CENPP: variants seen among roughly 807,000 people sequenced by gnomAD.
The protein encoded by CENPP is centromere protein P.
Under a neutral mutation model 35.6 loss-of-function variants are expected in CENPP, and 24 were observed. The ratio of observed to expected loss-of-function variants is 0.67; its 90% CI spans 0.49 to 0.95. The LOEUF (loss-of-function observed/expected upper bound fraction) is 0.95. Among genes scored for constraint, CENPP ranks in the 40% least tolerant of loss-of-function variants. The pLI is 0.00. For missense variants in CENPP, 332 were observed against 345.3 expected (o/e 0.96, Z 0.31); for synonymous variants, 120 against 125.5 (o/e 0.96, Z 0.29).
intron 5 of CENPP, chr9:92,457,185 T>C (rs1191308168): frequency 1.4e-6 from 2 of 1,454,538 alleles, no homozygotes; most frequent in African/African-American, 2.9e-5. Context: ...AGAATAGATA[T>C]TTGCTTGTAT....
Position 92,620,016 on chromosome 9 carries a change from G to A in CENPP, c.*6867G>A, listed in dbSNP as rs996284798. On this transcript the variant is annotated 3_prime_UTR_variant, in exon 8 of 8. Transcript: ENST00000375587. ...CATCGCTTAGAACGACATTCCCTCC[G>A]GAACATCATACAGCCACCAGAGACA... 4.5e-5 allele frequency: 8 copies of A among 178,498 alleles called. No homozygotes were observed. Among genetic ancestry groups the A allele is most frequent in the African/African-American group, 1.4e-4 (6 of 43,418 alleles). 11.1% of individuals were successfully genotyped at this position (178,498 alleles called of 1,614,324 possible).
At chr9:92,543,539 C>T (rs376756503) in intron 5 of CENPP, among the ~76,000 whole-genome samples, 66 of 139,570 alleles carry the variant, frequency 4.7e-4, no homozygotes, top group African/African-American at 1.7e-3. Flanking sequence ...TGATTCCTTA[C>T]GAATTTTATG....
rs538536406 is a variant in CENPP at position 92,387,072 on chromosome 9, A to G, written c.564+7213A>G. 2.3e-3 allele frequency among the ~76,000 whole-genome samples: 348 copies of G among 148,998 alleles called. 2 individuals are homozygous for G. Among genetic ancestry groups the G allele is most frequent in the African/African-American group, 7.0e-3 (285 of 40,552 alleles). ...CAAAAAGAAAAAAAAAAAAAAAAAA[A>G]AAAGAAATGTGTGTGCTTAGCCGGG... On this transcript the variant is annotated intron_variant, in intron 5 of 7. Transcript: ENST00000375587.
At chr9:92,394,682 G>A (rs1248850370) in intron 5 of CENPP, among the ~76,000 whole-genome samples, 2 of 151,334 alleles carry the variant, frequency 1.3e-5, no homozygotes, top group Admixed American at 6.6e-5. Flanking sequence ...TCGGCTCACT[G>A]CAGTCTCCGC....
At chr9:92,415,443 G>A (rs769302451) in intron 5 of CENPP, 3 of 1,611,510 alleles carry the variant, frequency 1.9e-6, no homozygotes, top group Non-Finnish European at 2.5e-6. Flanking sequence ...AATGTAGTGG[G>A]TCAATAGAAG....
chr9:92,408,851 C>T (rs1843374572), intron 5 of CENPP, among the ~76,000 whole-genome samples: 1 of 152,112 alleles, frequency 6.6e-6, no homozygotes, highest in South Asian at 2.1e-4. Flanking sequence ...TTACTAGATA[C>T]ACATAGACCC....
chr9:92,415,416 G>A (rs1205059122), intron 5 of CENPP: 1 of 1,613,546 alleles, frequency 6.2e-7, no homozygotes. Flanking sequence ...CCACACGAAT[G>A]TATGTTAAAT....
At chr9:92,410,837 A>G (rs1182509621) in intron 5 of CENPP, among the ~76,000 whole-genome samples, 2 of 152,156 alleles carry the variant, frequency 1.3e-5, no homozygotes, top group African/African-American at 4.8e-5. Flanking sequence ...ATTTATCTTT[A>G]TCCTTATGAC....
chr9:92,415,221 A>C (rs1268001580), intron 5 of CENPP: 1 of 1,613,732 alleles, frequency 6.2e-7, no homozygotes. Flanking sequence ...GGCTCTCATG[A>C]GCATTGTCAG....
chr9:92,557,226 G>A (rs1471631981), intron 5 of CENPP, among the ~76,000 whole-genome samples: 1 of 152,178 alleles, frequency 6.6e-6, no homozygotes, highest in African/African-American at 2.4e-5. Flanking sequence ...TAGGTTACCT[G>A]GTGCTTCTGT....
chr9:92,376,993 C>T (rs998309440), intron 4 of CENPP, among the ~76,000 whole-genome samples: 2 of 149,832 alleles, frequency 1.3e-5, no homozygotes, highest in African/African-American at 4.9e-5. Flanking sequence ...TTTGGTGAGC[C>T]GAGATTGCAC....
At chr9:92,490,307 G>A (rs1281126406) in intron 5 of CENPP, among the ~76,000 whole-genome samples, 1 of 152,186 alleles carries the variant, frequency 6.6e-6, no homozygotes, top group Non-Finnish European at 1.5e-5. Flanking sequence ...TTAACTACAA[G>A]AGATGAATCT....
At chr9:92,557,731 C>T (rs1849757897) in intron 5 of CENPP, among the ~76,000 whole-genome samples, 1 of 152,168 alleles carries the variant, frequency 6.6e-6, no homozygotes, top group Admixed American at 6.5e-5. Context: ...CAACCTCTGC[C>T]TCCCAGGTTC....
intron 5 of CENPP, among the ~76,000 whole-genome samples, chr9:92,504,099 A>T (rs1191434401): frequency 6.6e-6 from 1 of 152,192 alleles, no homozygotes; most frequent in Non-Finnish European, 1.5e-5. Context: ...CTCATTGTGT[A>T]TGTATGTGTT....
At chr9:92,452,494 G>A (rs1429755404) in intron 5 of CENPP, among the ~76,000 whole-genome samples, 9 of 152,120 alleles carry the variant, frequency 5.9e-5, no homozygotes, top group African/African-American at 1.9e-4. Context: ...TGCTGGATTC[G>A]GTTTGCCAGT....
chr9:92,538,824 G>A (rs934993548), intron 5 of CENPP, among the ~76,000 whole-genome samples: 3 of 152,178 alleles, frequency 2.0e-5, no homozygotes, highest in Non-Finnish European at 2.9e-5. Flanking sequence ...AGCATTACCC[G>A]TGCCACAGGG....
At chr9:92,541,529 T>C (rs1415383524) in intron 5 of CENPP, among the ~76,000 whole-genome samples, 1 of 150,684 alleles carries the variant, frequency 6.6e-6, no homozygotes, top group Non-Finnish European at 1.5e-5. Flanking sequence ...CCTGGCTAAT[T>C]TGAGTTAGAT....
intron 5 of CENPP, among the ~76,000 whole-genome samples, chr9:92,536,869 A>AT (rs11459753): frequency 0.27 from 37,534 of 141,374 alleles, 7,542 homozygotes; most frequent in African/African-American, 0.56. Flanking sequence ...TATTTTTTAA[A>AT]TTTTTTTTTT....
intron 5 of CENPP, among the ~76,000 whole-genome samples, chr9:92,441,516 T>G (rs889193931): frequency 2.6e-5 from 4 of 152,052 alleles, no homozygotes; most frequent in African/African-American, 7.2e-5. Context: ...CCCCACACTT[T>G]GGGAGGCTGA....
Sources: allele counts gnomAD v4.1 joint callset (sites outside exome capture counted in the v4.1 genomes callset), GRCh38; gene constraint gnomAD v4.1.1; transcripts MANE v1.5; gene names NCBI Gene and HGNC (gene_info 2026-07-23, HGNC 2026-07-21).